SCNN1G: variants seen among roughly 807,000 people sequenced by gnomAD.
The protein encoded by SCNN1G is epithelial sodium channel subunit gamma.
A neutral mutation model predicts 64.6 loss-of-function variants in SCNN1G; 27 were observed. The observed-to-expected ratio is 0.42, with a 90% CI of 0.31 to 0.58. The LOEUF (loss-of-function observed/expected upper bound fraction) is 0.58. Ranked by LOEUF, SCNN1G falls within the 20% of genes least tolerant of loss-of-function variation. The pLI is 0.18. For synonymous variants in SCNN1G, 330 were observed against 314.2 expected, an observed-to-expected ratio of 1.05 and a Z score of -0.53; for missense variants, 743 against 823.4, an observed-to-expected ratio of 0.90 and a Z score of 1.19.
chr16:23,187,168 G>GTGC (rs1263217272), intron 2 of SCNN1G, among the ~76,000 whole-genome samples: 2 of 150,502 alleles, frequency 1.3e-5, no homozygotes, highest in Non-Finnish European at 3.0e-5. Context: ...GAGTGCAGTG[G>GTGC]TGCAATCATA....
intron 11 of SCNN1G, among the ~76,000 whole-genome samples, chr16:23,214,484 G>T (rs1264171750): frequency 1.3e-5 from 2 of 152,246 alleles, no homozygotes; most frequent in East Asian, 3.8e-4. Flanking sequence ...ACTTAATCTG[G>T]AAGTTGGGGA....
intron 4 of SCNN1G, 86 bp downstream of exon 4, chr16:23,192,628 A>T: frequency 1.8e-6 from 2 of 1,138,204 alleles, no homozygotes; most frequent in Non-Finnish European, 1.3e-6. Context: ...AGCCTTGATG[A>T]TAGGTCTTGG....
chr16:23,186,854 C>T (rs1161168434), intron 2 of SCNN1G, among the ~76,000 whole-genome samples: 1 of 152,070 alleles, frequency 6.6e-6, no homozygotes, highest in Non-Finnish European at 1.5e-5. Flanking sequence ...TCTTGTTGCC[C>T]AGGCTGGGAT....
In SCNN1G at chr16:23,215,520, G is replaced by T. The variant is rs776460271; in HGVS notation, c.*51G>T. 6.9e-6 allele frequency: 11 copies of T among 1,595,826 alleles called. No individual in the cohort carries two copies. The highest frequency in any genetic ancestry group is 1.7e-5 in the Admixed American group (1 of 59,990). ...TCAGGACCACCAGCCATGGTCTAAG[G>T]ACATGGATCGGGTGCCCCCAGACGT... is the stretch of plus-strand genomic sequence containing the variant. On this transcript the variant is annotated 3_prime_UTR_variant, in exon 13 of 13. Coordinates refer to ENST00000300061, the MANE Select transcript of SCNN1G (RefSeq NM_001039.4).
chr16:23,212,924 G>A (rs747802642), intron 10 of SCNN1G, 30 bp downstream of exon 10: 1 of 1,608,616 alleles, frequency 6.2e-7, no homozygotes, highest in Non-Finnish European at 8.5e-7. Flanking sequence ...CTTCCCCACT[G>A]AAGCCCCCAG....
At chr16:23,211,617 C>G (rs988275577) in intron 7 of SCNN1G, among the ~76,000 whole-genome samples, 4 of 152,094 alleles carry the variant, frequency 2.6e-5, no homozygotes, top group African/African-American at 9.7e-5. Context: ...TGAGACCAGC[C>G]TGGCCAACAT....
At chr16:23,211,939 A>C (rs1376433415) in intron 7 of SCNN1G, 95 bp from the exon 8 acceptor site, 2 of 925,940 alleles carry the variant, frequency 2.2e-6, no homozygotes, top group Admixed American at 3.4e-5. Flanking sequence ...GCCAAGGTTA[A>C]GGGAGGCTGA....
At chr16:23,203,900 G>A (rs1050421196) in intron 6 of SCNN1G, among the ~76,000 whole-genome samples, 1 of 151,062 alleles carries the variant, frequency 6.6e-6, no homozygotes, top group Non-Finnish European at 1.5e-5. Flanking sequence ...TAATAATGAC[G>A]TTACTTCATG....
chr16:23,187,556 T>C (rs1959633375), intron 2 of SCNN1G, among the ~76,000 whole-genome samples: 1 of 152,144 alleles, frequency 6.6e-6, no homozygotes, highest in Non-Finnish European at 1.5e-5. Flanking sequence ...CCCATCTGCA[T>C]CTGCACCCCT....
At chr16:23,203,637 G>C (rs1030503861) in intron 6 of SCNN1G, among the ~76,000 whole-genome samples, 13 of 151,884 alleles carry the variant, frequency 8.6e-5, no homozygotes, top group African/African-American at 2.4e-4. Flanking sequence ...GGGTGTGGTG[G>C]CAGGCGCCTG....
rs374501880 is a variant in SCNN1G at position 23,199,931 on chromosome 16, G to A, written c.1077+2504G>A. Among the ~76,000 whole-genome samples the A allele has an allele frequency of 4.0e-4, 61 of 152,044 alleles. No homozygotes were observed. In the South Asian group the frequency reaches 8.5e-3, roughly 21 times the overall value. ...TGTGATCCGCCCGCCTCAGCCTCCCGAAGTGCTGGGATTACAGGCGTGAGC... is the reference window on the plus strand; with the variant it reads ...TGTGATCCGCCCGCCTCAGCCTCCCAAAGTGCTGGGATTACAGGCGTGAGC... On this transcript the variant is annotated intron_variant, in intron 6 of 12. Transcript: ENST00000300061.
chr16:23,204,326 TATATATATAG>T (rs1415271215), intron 6 of SCNN1G, among the ~76,000 whole-genome samples: 155 of 56,148 alleles, frequency 2.8e-3, no homozygotes, highest in South Asian at 4.6e-3. Context: ...TATATATATA[TATATATATAG>T]AGAGAGAGAG....
intron 3 of SCNN1G, among the ~76,000 whole-genome samples, chr16:23,191,869 G>C (rs72646497): frequency 2.0e-5 from 3 of 152,198 alleles, no homozygotes; most frequent in African/African-American, 7.2e-5. Flanking sequence ...TGGTTGGGAA[G>C]GATGGTGTTT....
intron 4 of SCNN1G, 103 bp downstream of exon 4, chr16:23,192,645 A>C (rs1024077367): frequency 8.5e-6 from 8 of 936,692 alleles, no homozygotes; most frequent in Non-Finnish European, 1.3e-5. Context: ...TTGGGAGCAA[A>C]AGGTGCTCTT....
At chr16:23,195,241 T>C (rs1959776886) in intron 5 of SCNN1G, among the ~76,000 whole-genome samples, 1 of 152,138 alleles carries the variant, frequency 6.6e-6, no homozygotes, top group African/African-American at 2.4e-5. Flanking sequence ...TAAGTGCTAG[T>C]TGCTATTGTT....
At position 23,213,252 on chromosome 16, in the gene SCNN1G, C is replaced by CTTT. The variant is rs376259589; in HGVS notation, c.1493+108_1493+110dup. The CTTT allele has an allele frequency of 6.0e-3, 3,146 of 520,790 alleles. 1 individual carries two copies. The highest frequency in any genetic ancestry group is 9.6e-3 in the East Asian group (289 of 30,250). 32.3% of individuals were successfully genotyped at this position (520,790 alleles called of 1,614,324 possible). On this transcript the variant is annotated intron_variant, in intron 11 of 12. Transcript: ENST00000300061. Reference sequence around the variant, plus strand: ...TTCTGTATGTGTATGGCCAAATCCTCTTTTTTTTTTTTTTTTTTTTTATGG... The same window carrying CTTT: ...TTCTGTATGTGTATGGCCAAATCCTCTTTTTTTTTTTTTTTTTTTTTTTTATGG...
At chr16:23,209,330 A>G (rs998774569) in intron 6 of SCNN1G, among the ~76,000 whole-genome samples, 1 of 152,158 alleles carries the variant, frequency 6.6e-6, no homozygotes, top group African/African-American at 2.4e-5. Context: ...TCTTTCTTGC[A>G]GTTCCACGCT....
At chr16:23,204,288 CATATATATATATAT>C (rs59288460) in intron 6 of SCNN1G, among the ~76,000 whole-genome samples, 229 of 14,156 alleles carry the variant, frequency 0.016, 6 homozygotes, top group African/African-American at 0.035. Flanking sequence ...CAAATATATA[CATATATATATATAT>C]ATATATATAT....
Position 23,214,785 on chromosome 16 carries a change from A to G in SCNN1G, c.1567A>G (p.Ser523Gly). 1 of 1,612,280 alleles carries G rather than the reference A, an allele frequency of 6.2e-7. No homozygotes were observed. Among genetic ancestry groups the G allele is most frequent in the East Asian group, 2.2e-5 (1 of 44,876 alleles). Residue 523 changes from serine to glycine, a missense_variant and splice_region_variant, in exon 12 of 13, where the codon AGT becomes GGT. Coordinates refer to ENST00000300061, the MANE Select transcript of SCNN1G (RefSeq NM_001039.4). ...ATCCATCATGGAGAGCCCAGCCAAC[A>G]GTGTGAGTAGAGTGGCTTCCTTCCA... is the stretch of plus-strand genomic sequence containing the variant. Reference protein sequence around the residue: ...QRSIMESPANSIEMLLSNFGG... With the variant: ...QRSIMESPANGIEMLLSNFGG...
Sources: gnomAD v4.1 joint callset for allele counts (sites outside exome capture counted in the v4.1 genomes callset) on GRCh38, gnomAD v4.1.1 for gene constraint, MANE v1.5 for transcripts, NCBI Gene and HGNC (gene_info 2026-07-23, HGNC 2026-07-21) for gene names.